The following SH3D19 variants were observed in gnomAD, a reference collection of about 807,000 sequenced individuals.
SH3D19 encodes the protein SH3 domain containing 19.
SH3D19 carries 58 observed loss-of-function variants against 112.1 expected under a neutral mutation model. The observed-to-expected ratio is 0.52, with a 90% CI of 0.42 to 0.64. The LOEUF (loss-of-function observed/expected upper bound fraction) is 0.64. Among genes scored for constraint, SH3D19 ranks in the 30% least tolerant of loss-of-function variants. The pLI, the probability that SH3D19 is intolerant of heterozygous loss-of-function variation, is 0.00. For synonymous variants in SH3D19, 391 were observed against 448.5 expected, an observed-to-expected ratio of 0.87 and a Z score of 1.62; for missense variants, 1,090 against 1,263.4, an observed-to-expected ratio of 0.86 and a Z score of 2.08.
intron 1 of SH3D19, among the ~76,000 whole-genome samples, chr4:151,323,479 G>A (rs1272737468): frequency 6.6e-6 from 1 of 152,160 alleles, no homozygotes; most frequent in Non-Finnish European, 1.5e-5. Context: ...AGGGGAAAGT[G>A]GAGCTCAGCT....
At chr4:151,230,578 G>A (rs1769530648) in intron 1 of SH3D19, among the ~76,000 whole-genome samples, 1 of 151,424 alleles carries the variant, frequency 6.6e-6, no homozygotes, top group Admixed American at 6.6e-5. Flanking sequence ...AATGGAGTAA[G>A]AAGTGGTTTA....
chr4:151,195,935 A>G (rs1281360309), intron 2 of SH3D19, among the ~76,000 whole-genome samples: 1 of 151,724 alleles, frequency 6.6e-6, no homozygotes, highest in Non-Finnish European at 1.5e-5. Flanking sequence ...AAAAAAAAAA[A>G]AAAAGAAAAA....
chr4:151,218,665 C>T (rs1767530997), intron 2 of SH3D19, among the ~76,000 whole-genome samples: 1 of 152,196 alleles, frequency 6.6e-6, no homozygotes, highest in Non-Finnish European at 1.5e-5. Context: ...ACACTTGAAG[C>T]TCCCTGTGGA....
chr4:151,324,128 G>A (rs1730814839), intron 1 of SH3D19, among the ~76,000 whole-genome samples: 1 of 152,198 alleles, frequency 6.6e-6, no homozygotes, highest in Non-Finnish European at 1.5e-5. Context: ...GTAATAATGA[G>A]CATGGAGAAT....
chr4:151,144,509 A>C, intron 11 of SH3D19: 1 of 547,992 alleles, frequency 1.8e-6, no homozygotes, highest in Non-Finnish European at 3.3e-6. Context: ...CACAAGAGCT[A>C]AACATGGCCT....
chr4:151,177,464 T>G (rs1210434474), intron 4 of SH3D19, among the ~76,000 whole-genome samples: 1 of 152,150 alleles, frequency 6.6e-6, no homozygotes, highest in African/African-American at 2.4e-5. Flanking sequence ...TTCTGACACC[T>G]CAGCCTCCCG....
intron 4 of SH3D19, among the ~76,000 whole-genome samples, chr4:151,177,271 A>G (rs1289270385): frequency 1.3e-5 from 2 of 152,240 alleles, no homozygotes; most frequent in African/African-American, 2.4e-5. Context: ...TTCCAGGGCT[A>G]TCTAGCCTTA....
chr4:151,230,239 C>T (rs537819245), intron 1 of SH3D19, among the ~76,000 whole-genome samples: 57 of 152,294 alleles, frequency 3.7e-4, no homozygotes, highest in African/African-American at 1.2e-3. Flanking sequence ...TTTTTGGGTA[C>T]GGCTACGCAG....
chr4:151,131,587 C>T (rs1256527894), intron 17 of SH3D19, among the ~76,000 whole-genome samples: 3 of 151,006 alleles, frequency 2.0e-5, no homozygotes, highest in Non-Finnish European at 4.4e-5. Context: ...CCCGGGTTCA[C>T]GCCATTCCCC....
Position 151,199,124 on chromosome 4 carries a change from A to G in SH3D19, c.153-11661T>C, listed in dbSNP as rs141199443. 1.8e-4 allele frequency among the ~76,000 whole-genome samples: 27 copies of G among 152,136 alleles called. 1 individual carries two copies. The East Asian group carries it at 5.2e-3, about 29-fold the overall frequency. The stretch of plus-strand genomic sequence containing the variant: ...AAAGTGATTTAAAATTATAAATACC[A>G]ATAGTTACATGAAATTACCCAAAAG... On this transcript the variant is annotated intron_variant, in intron 2 of 19. Coordinates refer to ENST00000604030, the MANE Select transcript of SH3D19 (RefSeq NM_001378122.1).
intron 1 of SH3D19, among the ~76,000 whole-genome samples, chr4:151,260,270 T>C (rs1473819682): frequency 1.3e-5 from 2 of 152,166 alleles, no homozygotes; most frequent in African/African-American, 4.8e-5. Context: ...TATTTGCTGA[T>C]AACACTCGCA....
intron 19 of SH3D19, among the ~76,000 whole-genome samples, chr4:151,124,723 A>G (rs547361290): frequency 4.5e-4 from 65 of 144,442 alleles, no homozygotes; most frequent in Non-Finnish European, 7.7e-4. Flanking sequence ...CTCCTTCTCT[A>G]AAAAAAAAAA....
chr4:151,144,405 C>A, intron 11 of SH3D19: 1 of 861,150 alleles, frequency 1.2e-6, no homozygotes, highest in Non-Finnish European at 1.9e-6. Context: ...AGCAGCTAAA[C>A]TCACCTGGCT....
chr4:151,282,773 CACAAG>C (rs60387296), intron 1 of SH3D19, among the ~76,000 whole-genome samples: 5,594 of 151,982 alleles, frequency 0.037, 302 homozygotes, highest in African/African-American at 0.13. Context: ...TTGGAGTAGA[CACAAG>C]ACAAGAACTG....
chr4:151,148,459 T>C (rs1754339563), intron 10 of SH3D19, among the ~76,000 whole-genome samples: 1 of 152,204 alleles, frequency 6.6e-6, no homozygotes, highest in South Asian at 2.1e-4. Flanking sequence ...CAAACAAGCA[T>C]TTACTATCAC....
intron 1 of SH3D19, among the ~76,000 whole-genome samples, chr4:151,269,769 G>A (rs1052201904): frequency 6.6e-6 from 1 of 151,532 alleles, no homozygotes; most frequent in African/African-American, 2.4e-5. Flanking sequence ...TTCTTTCCTT[G>A]TATCCTTATT....
chr4:151,291,141 G>A (rs369030212), intron 1 of SH3D19: 31 of 1,612,634 alleles, frequency 1.9e-5, no homozygotes, highest in African/African-American at 1.2e-4. Context: ...GGCCTCTGTC[G>A]TGTCACATTG....
chr4:151,177,490 A>G (rs1477602271), intron 4 of SH3D19, among the ~76,000 whole-genome samples: 1 of 152,186 alleles, frequency 6.6e-6, no homozygotes, highest in East Asian at 1.9e-4. Context: ...CTGGGATTAC[A>G]GGCATGTGCC....
chr4:151,187,401 G>A (rs1362443382), intron 3 of SH3D19, 22 bp downstream of exon 3: 3 of 1,197,336 alleles, frequency 2.5e-6, no homozygotes, highest in Non-Finnish European at 3.1e-6. Flanking sequence ...GGAAAATACA[G>A]AGAAGGAAAA....
Sources: gnomAD v4.1 joint callset for allele counts (sites outside exome capture counted in the v4.1 genomes callset) on GRCh38, gnomAD v4.1.1 for gene constraint, MANE v1.5 for transcripts, NCBI Gene and HGNC (gene_info 2026-07-23, HGNC 2026-07-21) for gene names.